The following CPPED1 variants were observed in gnomAD, a reference collection of about 807,000 sequenced individuals.
CPPED1 encodes serine/threonine-protein phosphatase CPPED1.
CPPED1 carries 28 observed loss-of-function variants against 28.0 expected under a neutral mutation model. The observed-to-expected ratio is 1.00, with a 90% CI of 0.74 to 1.37. The LOEUF (loss-of-function observed/expected upper bound fraction) is 1.37. Among genes scored for constraint, CPPED1 ranks in the 40% most tolerant of loss-of-function variants. The pLI is 0.00. For missense variants in CPPED1, 504 were observed against 416.5 expected, an observed-to-expected ratio of 1.21 and a Z score of -1.83; for synonymous variants, 198 against 180.2, an observed-to-expected ratio of 1.10 and a Z score of -0.79.
At chr16:12,675,839 G>T (rs540164098) in intron 3 of CPPED1, among the ~76,000 whole-genome samples, 52 of 152,296 alleles carry the variant, frequency 3.4e-4, no homozygotes, top group African/African-American at 1.2e-3. Flanking sequence ...ATAAAAAAGA[G>T]GGAGAGAAAT....
chr16:12,677,597 G>A lies in CPPED1; in HGVS notation c.716-12482C>T, dbSNP rs13338426. On this transcript the variant is annotated intron_variant, in intron 3 of 3. Transcript: ENST00000381774. ...GCAGAGGCTGCAGTGAGCTGAGCTC[G>A]TGCCACTGCACTCCAGTTTGGTGGC... Among the ~76,000 whole-genome samples, 792 of 152,318 alleles carry A rather than the reference G, an allele frequency of 5.2e-3. 10 individuals carry two copies. Among genetic ancestry groups the A allele is most frequent in the African/African-American group, 0.018 (758 of 41,568 alleles).
At chr16:12,723,391 G>C (rs190035840) in intron 2 of CPPED1, among the ~76,000 whole-genome samples, 1 of 152,218 alleles carries the variant, frequency 6.6e-6, no homozygotes, top group East Asian at 1.9e-4. Context: ...AACTGGACAC[G>C]GGGTCTCCAA....
intron 2 of CPPED1, among the ~76,000 whole-genome samples, chr16:12,708,457 A>G (rs2080063096): frequency 6.6e-6 from 1 of 152,222 alleles, no homozygotes; most frequent in African/African-American, 2.4e-5. Context: ...CAAAGCTGTC[A>G]GCTGTCTGCT....
At chr16:12,802,003 A>G (rs2080663057) in intron 1 of CPPED1, among the ~76,000 whole-genome samples, 1 of 152,188 alleles carries the variant, frequency 6.6e-6, no homozygotes, top group Non-Finnish European at 1.5e-5. Context: ...AACCCCACAG[A>G]GTAAACTGCA....
chr16:12,676,412 A>T (rs1222680134), intron 3 of CPPED1, among the ~76,000 whole-genome samples: 1 of 152,194 alleles, frequency 6.6e-6, no homozygotes, highest in Non-Finnish European at 1.5e-5. Context: ...TTCGCTGGAC[A>T]TCTACGACCT....
intron 1 of CPPED1, among the ~76,000 whole-genome samples, 186 bp from the exon 2 acceptor site, chr16:12,781,589 C>G (rs1372631819): frequency 2.0e-5 from 3 of 152,090 alleles, no homozygotes; most frequent in African/African-American, 7.2e-5. Flanking sequence ...ACTAATTATG[C>G]CTGGGACCTG....
intron 2 of CPPED1, among the ~76,000 whole-genome samples, chr16:12,733,335 C>A (rs1273318908): frequency 4.1e-5 from 6 of 147,498 alleles, no homozygotes; most frequent in Non-Finnish European, 8.9e-5. Flanking sequence ...AATGCAGTGG[C>A]ACAATCTCGG....
chr16:12,787,080 C>T (rs556581926), intron 1 of CPPED1, among the ~76,000 whole-genome samples: 3 of 152,256 alleles, frequency 2.0e-5, no homozygotes, highest in Non-Finnish European at 4.4e-5. Flanking sequence ...CAGTGCACAA[C>T]AGAGAAGTCT....
intron 2 of CPPED1, among the ~76,000 whole-genome samples, chr16:12,756,256 T>G (rs1232225511): frequency 6.6e-6 from 1 of 152,162 alleles, no homozygotes; most frequent in Admixed American, 6.5e-5. Context: ...GTGGATGTAG[T>G]CAGTTATCGT....
Position 12,704,645 on chromosome 16 carries a change from C to G in CPPED1, c.694G>C (p.Ala232Pro), listed in dbSNP as rs757778243. ...NLSKSTRKKL[A>P]DKFIHAGVKV... ...CTACCTGCGTGGATGAACTTGTCTG[C>G]CAACTTCTTCCGAGTGGACTTGCTG... Residue 232 changes from alanine (A) to proline (P), a missense_variant, in exon 3 of 4, where the codon GCA becomes CCA. Ala to Pro is a conservative substitution (Grantham distance 27). Coordinates refer to ENST00000381774, the MANE Select transcript of CPPED1 (RefSeq NM_018340.3). The G allele has an allele frequency of 2.5e-6, 4 of 1,610,918 alleles. No individual in the cohort carries two copies. In the South Asian group the frequency reaches 4.4e-5, roughly 18 times the overall value.
At chr16:12,687,496 C>T (rs1461520810) in intron 3 of CPPED1, among the ~76,000 whole-genome samples, 2 of 152,124 alleles carry the variant, frequency 1.3e-5, no homozygotes, top group Non-Finnish European at 2.9e-5. Context: ...ATGGTTATTC[C>T]TAGGCCAGGC....
At chr16:12,720,851 G>A (rs948934250) in intron 2 of CPPED1, among the ~76,000 whole-genome samples, 5 of 152,210 alleles carry the variant, frequency 3.3e-5, no homozygotes, top group African/African-American at 7.2e-5. Flanking sequence ...AAAATTATAT[G>A]TTATTAGGAT....
At chr16:12,722,967 C>A (rs1019764914) in intron 2 of CPPED1, among the ~76,000 whole-genome samples, 4 of 152,166 alleles carry the variant, frequency 2.6e-5, no homozygotes, top group African/African-American at 7.2e-5. Flanking sequence ...ATCGGGATAC[C>A]CACTTCTTGA....
In CPPED1 at chr16:12,791,479, C is replaced by T. The variant is rs570710453; in HGVS notation, c.71-10076G>A. Among the ~76,000 whole-genome samples the T allele has an allele frequency of 1.3e-4, 20 of 152,284 alleles. No homozygotes were observed. The East Asian group carries it at 3.7e-3, about 28-fold the overall frequency. On this transcript the variant is annotated intron_variant, in intron 1 of 3. Coordinates refer to ENST00000381774, the MANE Select transcript of CPPED1 (RefSeq NM_018340.3). ...TAATTTTGCCACCATCATCCCTAGT[C>T]CCCCAGTCTACAGATCTTAAGATCA...
intron 1 of CPPED1, among the ~76,000 whole-genome samples, chr16:12,803,016 TCTTTA>T (rs1464234465): frequency 6.6e-6 from 1 of 152,224 alleles, no homozygotes; most frequent in African/African-American, 2.4e-5. Context: ...CAAACCTCCC[TCTTTA>T]CTTAGCACCT....
chr16:12,767,976 C>A (rs564454311), intron 2 of CPPED1, among the ~76,000 whole-genome samples: 3 of 152,058 alleles, frequency 2.0e-5, no homozygotes, highest in African/African-American at 2.4e-5. Context: ...AACAAAAAAA[C>A]CCCTGCCCTA....
At chr16:12,742,133 G>A (rs573883742) in intron 2 of CPPED1, among the ~76,000 whole-genome samples, 1 of 152,050 alleles carries the variant, frequency 6.6e-6, no homozygotes, top group Non-Finnish European at 1.5e-5. Context: ...ACAAATACAT[G>A]AATAGAGAAA....
At chr16:12,766,164 G>A (rs938503948) in intron 2 of CPPED1, among the ~76,000 whole-genome samples, 3 of 151,196 alleles carry the variant, frequency 2.0e-5, no homozygotes, top group Non-Finnish European at 4.4e-5. Flanking sequence ...AGGCAGAGGC[G>A]GGTGCATCAC....
At position 12,662,845 on chromosome 16, in the gene CPPED1, T is replaced by C. The variant is rs182282168; in HGVS notation, c.*2041A>G. The C allele has an allele frequency of 1.1e-3, 161 of 152,346 alleles. 1 individual carries two copies. The highest frequency in any genetic ancestry group is 3.7e-3 in the African/African-American group (154 of 41,584). 9.4% of individuals were successfully genotyped at this position (152,346 alleles called of 1,614,324 possible). ...TTTTGAATCAGTTCTTTTAAGTTTT[T>C]GGGGAAGGAGATTTGGTTTCATTTT... On this transcript the variant is annotated 3_prime_UTR_variant, in exon 4 of 4. Coordinates refer to ENST00000381774, the MANE Select transcript of CPPED1 (RefSeq NM_018340.3).
Sources: allele counts gnomAD v4.1 joint callset (sites outside exome capture counted in the v4.1 genomes callset), GRCh38; gene constraint gnomAD v4.1.1; transcripts MANE v1.5; gene names NCBI Gene and HGNC (gene_info 2026-07-23, HGNC 2026-07-21).